Variants in OXCT1 observed in about 807,000 individuals in gnomAD.
The protein encoded by OXCT1 is 3-oxoacid CoA-transferase 1, also known as succinyl-CoA:3-ketoacid coenzyme A transferase 1, mitochondrial.
In OXCT1, 27 loss-of-function variants were observed where a neutral mutation model predicts 69.6. The observed-to-expected ratio is 0.39, with a 90% CI of 0.29 to 0.54. OXCT1 has a LOEUF of 0.54. Among genes scored for constraint, OXCT1 ranks in the 20% least tolerant of loss-of-function variants. The probability of loss-of-function intolerance (pLI) is 0.72; values close to 1 mark genes in which losing one functional copy is unlikely to be tolerated. For missense variants in OXCT1, 437 were observed against 650.2 expected, an observed-to-expected ratio of 0.67 and a Z score of 3.57; for synonymous variants, 202 against 217.8, an observed-to-expected ratio of 0.93 and a Z score of 0.64.
chr5:41,746,801 TCTC>T (rs1743515495), intron 15 of OXCT1, among the ~76,000 whole-genome samples: 1 of 152,010 alleles, frequency 6.6e-6, no homozygotes. Flanking sequence ...TCCTTCCCCT[TCTC>T]CTCCTGCAGT....
chr5:41,844,638 A>G (rs899084892), intron 5 of OXCT1, among the ~76,000 whole-genome samples: 2 of 151,946 alleles, frequency 1.3e-5, no homozygotes, highest in Non-Finnish European at 2.9e-5. Context: ...CTCCCCTGAT[A>G]TGACGTTCAC....
chr5:41,832,882 A>T (rs773269261), intron 7 of OXCT1, among the ~76,000 whole-genome samples: 14 of 152,216 alleles, frequency 9.2e-5, no homozygotes, highest in Non-Finnish European at 1.9e-4. Flanking sequence ...TGAATGCATC[A>T]GTCTCTTAAA....
intron 13 of OXCT1, among the ~76,000 whole-genome samples, chr5:41,781,027 C>G (rs1212851298): frequency 6.6e-6 from 1 of 152,056 alleles, no homozygotes; most frequent in East Asian, 1.9e-4. Flanking sequence ...CCTCAGCCTC[C>G]CAAGTAGCTG....
intron 1 of OXCT1, among the ~76,000 whole-genome samples, chr5:41,867,801 G>A (rs1750067480): frequency 6.6e-6 from 1 of 152,126 alleles, no homozygotes; most frequent in Non-Finnish European, 1.5e-5. Flanking sequence ...ATGAATGGTG[G>A]GTAAAGTGTT....
intron 7 of OXCT1, 70 bp downstream of exon 7, chr5:41,840,381 C>A: frequency 1.7e-6 from 2 of 1,181,620 alleles, no homozygotes; most frequent in East Asian, 2.3e-5. Flanking sequence ...AACTGTGGTA[C>A]TTTTTCTTGA....
intron 3 of OXCT1, 41 bp downstream of exon 3, chr5:41,861,273 G>A: frequency 8.4e-7 from 1 of 1,193,954 alleles, no homozygotes; most frequent in Non-Finnish European, 1.3e-6. Context: ...TTAAGAATTG[G>A]CATTTCTCTC....
intron 7 of OXCT1, among the ~76,000 whole-genome samples, chr5:41,816,867 G>A (rs1747270277): frequency 6.6e-6 from 1 of 152,100 alleles, no homozygotes; most frequent in Non-Finnish European, 1.5e-5. Context: ...ACTTTTCAAT[G>A]TTGGAATGCT....
chr5:41,760,605 G>T lies in OXCT1; in HGVS notation c.1338+1506C>A, dbSNP rs530336144. ...AAACTAAAATAAGTTGAACTTCAGT[G>T]CCTTCGTGTGTCAATATTAAGGTTC... is the stretch of plus-strand genomic sequence containing the variant. On this transcript the variant is annotated intron_variant, in intron 14 of 16. Coordinates refer to ENST00000196371, the MANE Select transcript of OXCT1 (RefSeq NM_000436.4). Among the ~76,000 whole-genome samples, 3 of 152,234 alleles carry T rather than the reference G, an allele frequency of 2.0e-5. No individual in the cohort carries two copies. In the East Asian group the frequency reaches 5.8e-4, roughly 29 times the overall value.
chr5:41,747,373 GA>G (rs1406269435), intron 15 of OXCT1, among the ~76,000 whole-genome samples: 1 of 151,954 alleles, frequency 6.6e-6, no homozygotes, highest in East Asian at 1.9e-4. Context: ...CTGCTCTTTC[GA>G]GGCTCACCAT....
chr5:41,769,294 T>A (rs1236201490), intron 13 of OXCT1, among the ~76,000 whole-genome samples: 1 of 152,062 alleles, frequency 6.6e-6, no homozygotes, highest in Non-Finnish European at 1.5e-5. Context: ...AATTTAATAA[T>A]TAAAAACACA....
At chr5:41,863,327 A>T (rs1319396956) in intron 1 of OXCT1, among the ~76,000 whole-genome samples, 1 of 152,156 alleles carries the variant, frequency 6.6e-6, no homozygotes, top group African/African-American at 2.4e-5. Context: ...AAAAACACTT[A>T]AAAATCTCTA....
intron 13 of OXCT1, among the ~76,000 whole-genome samples, chr5:41,775,862 G>A (rs1258543638): frequency 1.3e-5 from 2 of 152,070 alleles, no homozygotes; most frequent in Non-Finnish European, 2.9e-5. Flanking sequence ...CAGGAACTGG[G>A]GATCAAAGAC....
At chr5:41,774,208 GTAAGGAGTTACTT>G (rs768511346) in intron 13 of OXCT1, among the ~76,000 whole-genome samples, 7 of 152,208 alleles carry the variant, frequency 4.6e-5, no homozygotes, top group Non-Finnish European at 8.8e-5. Flanking sequence ...CCGTTATTCA[GTAAGGAGTTACTT>G]TTTTCCTCTA....
chr5:41,778,506 G>A (rs907226678), intron 13 of OXCT1, among the ~76,000 whole-genome samples: 1 of 152,224 alleles, frequency 6.6e-6, no homozygotes, highest in African/African-American at 2.4e-5. Context: ...CTTTCATAAT[G>A]TGAATTTATC....
intron 5 of OXCT1, among the ~76,000 whole-genome samples, chr5:41,845,104 A>T (rs77435205): frequency 6.6e-6 from 1 of 152,064 alleles, no homozygotes; most frequent in Non-Finnish European, 1.5e-5. Context: ...CCTCTCTTCA[A>T]TCTCCATCCT....
Position 41,862,698 on chromosome 5 carries a change from G to C in OXCT1, c.131C>G (p.Thr44Arg). ...TSAHRHTKFYTDPVEAVKDIP... is the reference protein window; with the variant it reads ...TSAHRHTKFYRDPVEAVKDIP... Reference sequence around the variant, plus strand: ...GTCTTTTACAGCTTCTACTGGATCTGTATAAAACTTGGTATGGCGATGAGC... The same window carrying C: ...GTCTTTTACAGCTTCTACTGGATCTCTATAAAACTTGGTATGGCGATGAGC... The change falls in exon 2 of 17, where the codon ACA becomes AGA. Residue 44 changes from threonine to arginine, a missense_variant. Transcript: ENST00000196371. The C allele has an allele frequency of 6.2e-7, 1 of 1,612,536 alleles. No individual in the cohort carries two copies. The highest frequency in any genetic ancestry group is 2.2e-5 in the East Asian group (1 of 44,766).
intron 2 of OXCT1, 144 bp from the exon 3 acceptor site, chr5:41,861,548 A>G (rs1188922601): frequency 1.4e-6 from 1 of 692,138 alleles, no homozygotes; most frequent in Non-Finnish European, 2.6e-6. Flanking sequence ...ATATCTCAGC[A>G]GCTAAGTAAA....
Position 41,762,346 on chromosome 5 carries a change from T to G in OXCT1, c.1249-146A>C. 2.7e-6 allele frequency: 2 copies of G among 735,508 alleles called. No homozygotes were observed. Among genetic ancestry groups the G allele is most frequent in the Non-Finnish European group, 5.0e-6 (2 of 402,038 alleles). 45.6% of individuals were successfully genotyped at this position (735,508 alleles called of 1,614,324 possible). On this transcript the variant is annotated intron_variant, in intron 13 of 16. Transcript: ENST00000196371. The surrounding 1 kb of genome is among the most constrained non-coding windows in gnomAD (Gnocchi z 4.0). Reference sequence around the variant, plus strand: ...GTGCTTGAAGTTCTATAACCTAATATTCTGTCACTCTATTATTCTGTGGTT... The same window carrying G: ...GTGCTTGAAGTTCTATAACCTAATAGTCTGTCACTCTATTATTCTGTGGTT...
chr5:41,845,184 A>ACAG (rs1748838198), intron 5 of OXCT1, among the ~76,000 whole-genome samples: 5 of 152,266 alleles, frequency 3.3e-5, no homozygotes, highest in Admixed American at 3.3e-4. Context: ...GCAAGCCTGT[A>ACAG]GCTGCCTCAG....
Sources: gnomAD v4.1 joint callset for allele counts (sites outside exome capture counted in the v4.1 genomes callset) on GRCh38, gnomAD v4.1.1 for gene constraint, Gnocchi (gnomAD v3.1) non-coding constraint, MANE v1.5 for transcripts, NCBI Gene and HGNC (gene_info 2026-07-23, HGNC 2026-07-21) for gene names.